Variants in DLG2 observed in about 807,000 individuals in gnomAD.
DLG2 encodes the protein discs large MAGUK scaffold protein 2.
In DLG2, 45 loss-of-function variants were observed where a neutral mutation model predicts 132.5. The observed-to-expected ratio is 0.34, with a 90% CI of 0.27 to 0.44. The LOEUF is 0.44. Ranked by LOEUF, DLG2 falls within the 20% of genes least tolerant of loss-of-function variation. The probability of loss-of-function intolerance (pLI) is 1.00; values close to 1 mark genes in which losing one functional copy is unlikely to be tolerated. For synonymous variants in DLG2, 424 were observed against 419.6 expected (o/e 1.01, Z -0.13); for missense variants, 1,045 against 1,196.9 (o/e 0.87, Z 1.87).
At chr11:85,014,835 T>C (rs1435763216) in intron 6 of DLG2, among the ~76,000 whole-genome samples, 1 of 152,124 alleles carries the variant, frequency 6.6e-6, no homozygotes. Flanking sequence ...GAAAATCAAA[T>C]TACTTTAGGA....
intron 6 of DLG2, among the ~76,000 whole-genome samples, chr11:84,886,657 T>C (rs375151569): frequency 6.6e-6 from 1 of 152,158 alleles, no homozygotes. Flanking sequence ...TGCCAAGTAC[T>C]TGTCATAACC....
intron 7 of DLG2, among the ~76,000 whole-genome samples, chr11:84,366,801 G>T (rs1436920666): frequency 2.6e-5 from 4 of 152,206 alleles, no homozygotes; most frequent in African/African-American, 9.6e-5. Context: ...GGAGCACCCA[G>T]ATTCATAAAG....
chr11:83,719,591 T>C (rs369646180), intron 18 of DLG2, among the ~76,000 whole-genome samples: 46 of 152,214 alleles, frequency 3.0e-4, no homozygotes, highest in African/African-American at 1.1e-3. Context: ...AAGGTGGAAG[T>C]AGGTTCCAGG....
chr11:83,668,243 A>G (rs2076080301), intron 18 of DLG2, among the ~76,000 whole-genome samples: 1 of 152,094 alleles, frequency 6.6e-6, no homozygotes, highest in Admixed American at 6.6e-5. Context: ...GGGCTTTCAG[A>G]CTGATGCATA....
In DLG2 at chr11:84,416,517, T is replaced by C. The variant is rs546848075; in HGVS notation, c.519+118053A>G. On this transcript the variant is annotated intron_variant, in intron 7 of 27. Coordinates refer to ENST00000376104, the MANE Select transcript of DLG2 (RefSeq NM_001142699.3). ...TGGGAGCAAGGATGCTCTGAATAAC[T>C]GACTACTCTGACAAAATAACATATT... Among the ~76,000 whole-genome samples the C allele has an allele frequency of 2.0e-5, 3 of 152,334 alleles. No homozygotes were observed. The South Asian group carries it at 6.2e-4, about 32-fold the overall frequency.
intron 2 of DLG2, among the ~76,000 whole-genome samples, chr11:85,623,200 T>G (rs1278009964): frequency 6.6e-6 from 1 of 152,104 alleles, no homozygotes; most frequent in African/African-American, 2.4e-5. Flanking sequence ...ATTATATCAC[T>G]GAGAACCACT....
At chr11:83,774,022 CAAAT>C (rs781484131) in intron 18 of DLG2, among the ~76,000 whole-genome samples, 106 of 152,164 alleles carry the variant, frequency 7.0e-4, no homozygotes, top group Non-Finnish European at 1.2e-3. Context: ...ACATGAAAAA[CAAAT>C]AAAGATTGCT....
chr11:84,709,849 A>T (rs891712980), intron 6 of DLG2, among the ~76,000 whole-genome samples: 1 of 151,908 alleles, frequency 6.6e-6, no homozygotes, highest in African/African-American at 2.4e-5. Flanking sequence ...TTGAATAGAA[A>T]ATCAAATTAT....
chr11:84,663,149 A>G (rs1033408151), intron 6 of DLG2, among the ~76,000 whole-genome samples: 5 of 152,042 alleles, frequency 3.3e-5, no homozygotes, highest in African/African-American at 1.2e-4. Context: ...TTAACTATTC[A>G]ACTTATTCTG....
intron 16 of DLG2, among the ~76,000 whole-genome samples, chr11:83,850,148 GTGTGTGTGTGTGT>G (rs2059423762): frequency 1.5e-5 from 2 of 133,218 alleles, no homozygotes; most frequent in Non-Finnish European, 3.1e-5. Flanking sequence ...GTGTGTGTGT[GTGTGTGTGTGTGT>G]TTTTTTACTT....
At chr11:84,931,815 C>T (rs1341731390) in intron 6 of DLG2, among the ~76,000 whole-genome samples, 1 of 152,184 alleles carries the variant, frequency 6.6e-6, no homozygotes, top group African/African-American at 2.4e-5. Context: ...ACTATTCTCA[C>T]CAGTGTGAGA....
intron 4 of DLG2, among the ~76,000 whole-genome samples, chr11:85,192,248 G>A (rs886463876): frequency 2.6e-5 from 4 of 152,128 alleles, no homozygotes; most frequent in Non-Finnish European, 5.9e-5. Context: ...GAATAAAAGT[G>A]ATAAAGCATG....
At chr11:85,119,564 A>G (rs189236719) in intron 5 of DLG2, among the ~76,000 whole-genome samples, 1 of 152,034 alleles carries the variant, frequency 6.6e-6, no homozygotes, top group Non-Finnish European at 1.5e-5. Context: ...AAAAAGGAAA[A>G]TTTGGATATT....
intron 6 of DLG2, among the ~76,000 whole-genome samples, chr11:84,661,345 T>C (rs919993334): frequency 5.3e-5 from 8 of 152,150 alleles, no homozygotes; most frequent in African/African-American, 1.9e-4. Context: ...TGTAGCAATA[T>C]AATGTAGCTG....
intron 18 of DLG2, among the ~76,000 whole-genome samples, chr11:83,755,574 T>C (rs1013393334): frequency 1.3e-5 from 2 of 151,386 alleles, no homozygotes; most frequent in African/African-American, 4.9e-5. Context: ...CCCTAAAAAT[T>C]CCATAGTCAT....
At chr11:84,300,394 G>A (rs2098138759) in intron 7 of DLG2, among the ~76,000 whole-genome samples, 1 of 152,236 alleles carries the variant, frequency 6.6e-6, no homozygotes, top group South Asian at 2.1e-4. Context: ...TCCTTCCAGA[G>A]AACAGACACA....
intron 3 of DLG2, among the ~76,000 whole-genome samples, chr11:85,443,267 T>C (rs974872602): frequency 6.6e-6 from 1 of 152,240 alleles, no homozygotes; most frequent in African/African-American, 2.4e-5. Flanking sequence ...GAATTCATTG[T>C]TGTTCATTCA....
chr11:85,107,927 TAA>T (rs5793156), intron 6 of DLG2, among the ~76,000 whole-genome samples: 77 of 26,262 alleles, frequency 2.9e-3, no homozygotes, highest in African/African-American at 0.012. Flanking sequence ...GGACAAGTCT[TAA>T]AAAAAAAAAA....
intron 9 of DLG2, among the ~76,000 whole-genome samples, chr11:84,149,827 G>A (rs1465169583): frequency 6.6e-6 from 1 of 151,698 alleles, no homozygotes; most frequent in East Asian, 1.9e-4. Context: ...ACATGATCTC[G>A]GCTCACTGCA....
Sources: gnomAD v4.1 joint callset for allele counts (sites outside exome capture counted in the v4.1 genomes callset) on GRCh38, gnomAD v4.1.1 for gene constraint, MANE v1.5 for transcripts, NCBI Gene and HGNC (gene_info 2026-07-23, HGNC 2026-07-21) for gene names.